HIBADH: variants seen among roughly 807,000 people sequenced by gnomAD.
HIBADH encodes the protein 3-hydroxyisobutyrate dehydrogenase.
A neutral mutation model predicts 36.1 loss-of-function variants in HIBADH; 25 were observed. That is an observed-to-expected ratio of 0.69 (90% CI 0.50 to 0.97). HIBADH has a LOEUF of 0.97. Ranked by LOEUF, HIBADH falls within the 50% of genes least tolerant of loss-of-function variation. The probability of loss-of-function intolerance (pLI) is 0.00; values close to 1 mark genes in which losing one functional copy is unlikely to be tolerated. For missense variants in HIBADH, 421 were observed against 418.0 expected (o/e 1.01, Z -0.06); for synonymous variants, 160 against 149.5 (o/e 1.07, Z -0.51).
At chr7:27,533,520 G>C (rs770370815) in intron 6 of HIBADH, among the ~76,000 whole-genome samples, 3 of 152,052 alleles carry the variant, frequency 2.0e-5, no homozygotes, top group Non-Finnish European at 4.4e-5. Context: ...GAGCAAGTTA[G>C]AAGTGTTTTG....
chr7:27,636,382 T>C (rs748695492), intron 2 of HIBADH, among the ~76,000 whole-genome samples: 5 of 152,206 alleles, frequency 3.3e-5, no homozygotes, highest in Admixed American at 6.5e-5. Flanking sequence ...ACTTTAAAAG[T>C]AGAAAAGCAC....
intron 5 of HIBADH, among the ~76,000 whole-genome samples, chr7:27,539,906 A>T (rs1784123342): frequency 6.6e-6 from 1 of 152,206 alleles, no homozygotes; most frequent in African/African-American, 2.4e-5. Context: ...TATATTTATT[A>T]TTCATTAAGT....
intron 4 of HIBADH, among the ~76,000 whole-genome samples, chr7:27,556,448 A>AT (rs35473122): frequency 0.76 from 115,402 of 152,012 alleles, 44,229 homozygotes; most frequent in East Asian, 0.94. Flanking sequence ...GGATCTGTTA[A>AT]TTTTTTAATG....
At chr7:27,644,100 T>C (rs886214545) in intron 2 of HIBADH, among the ~76,000 whole-genome samples, 5 of 152,310 alleles carry the variant, frequency 3.3e-5, no homozygotes, top group African/African-American at 4.8e-5. Context: ...CCATTTAAAG[T>C]ATACCAAAGG....
rs1245896544 is a variant in HIBADH, at chr7:27,538,387, C to A, written c.649G>T (p.Ala217Ser). ...TCAGCAGTTCCAATCATACTAATAG[C>A]TAACAGCATGTTGTTGCAGATCTTT... ...AAKICNNMLL[A>S]ISMIGTAEAM... The change falls in exon 6 of 8, where the codon GCT becomes TCT. Residue 217 changes from alanine to serine, a missense_variant. By Grantham distance (99) the Ala-to-Ser change is moderately conservative. Transcript: ENST00000265395. The A allele has an allele frequency of 1.2e-6, 2 of 1,613,164 alleles. No homozygotes were observed. Among genetic ancestry groups the A allele is most frequent in the East Asian group, 2.2e-5 (1 of 44,852 alleles).
intron 3 of HIBADH, among the ~76,000 whole-genome samples, chr7:27,632,059 A>G (rs193052974): frequency 6.6e-6 from 1 of 152,216 alleles, no homozygotes; most frequent in South Asian, 2.1e-4. Context: ...GTAAGCTTTA[A>G]AAGTCTCTTA....
intron 4 of HIBADH, among the ~76,000 whole-genome samples, chr7:27,555,302 C>CTTTT (rs3072856): frequency 4.2e-4 from 53 of 127,402 alleles, no homozygotes; most frequent in African/African-American, 1.2e-3. Context: ...TCTTGCTCTA[C>CTTTT]TTTTTTTTTT....
At chr7:27,549,911 C>CTT (rs1440863807) in intron 4 of HIBADH, among the ~76,000 whole-genome samples, 1 of 151,982 alleles carries the variant, frequency 6.6e-6, no homozygotes, top group Non-Finnish European at 1.5e-5. Flanking sequence ...CATTTCTTTT[C>CTT]TTTTCTTTTC....
intron 2 of HIBADH, among the ~76,000 whole-genome samples, chr7:27,641,084 C>T (rs1282216806): frequency 2.6e-5 from 4 of 152,054 alleles, no homozygotes; most frequent in African/African-American, 9.7e-5. Context: ...AAAGCAGACT[C>T]CAGAAGCAAA....
intron 4 of HIBADH, among the ~76,000 whole-genome samples, chr7:27,577,164 C>CTTTTTTTTTTTTTTTTTTTTTTT (rs35467427): frequency 6.9e-6 from 1 of 143,888 alleles, no homozygotes; most frequent in Non-Finnish European, 1.5e-5. Flanking sequence ...CATCATTTCT[C>CTTTTTTTTTTTTTTTTTTTTTTT]TCTTTTTTTT....
chr7:27,594,179 C>G (rs1213248285), intron 4 of HIBADH, among the ~76,000 whole-genome samples: 1 of 144,820 alleles, frequency 6.9e-6, no homozygotes, highest in Non-Finnish European at 1.5e-5. Context: ...GAGTTTCGCT[C>G]GTTGCCCCGG....
At chr7:27,550,878 C>T in intron 4 of HIBADH, among the ~76,000 whole-genome samples, 1 of 152,182 alleles carries the variant, frequency 6.6e-6, no homozygotes, top group Non-Finnish European at 1.5e-5. Context: ...CATTAAGACT[C>T]ATTAAGACTT....
chr7:27,587,627 A>G (rs1784884262), intron 4 of HIBADH, among the ~76,000 whole-genome samples: 1 of 152,042 alleles, frequency 6.6e-6, no homozygotes, highest in African/African-American at 2.4e-5. Context: ...TCCCAAACAC[A>G]TGCACTTCCT....
At chr7:27,632,101 G>C (rs929438055) in intron 3 of HIBADH, among the ~76,000 whole-genome samples, 9 of 152,026 alleles carry the variant, frequency 5.9e-5, no homozygotes, top group Admixed American at 3.9e-4. Context: ...TAAGTTTAAC[G>C]CAAGAGTTAA....
chr7:27,589,005 C>G (rs1784903705), intron 4 of HIBADH, among the ~76,000 whole-genome samples: 1 of 152,114 alleles, frequency 6.6e-6, no homozygotes, highest in South Asian at 2.1e-4. Context: ...CTATTTCACT[C>G]AAGTATGTGA....
chr7:27,569,017 G>A (rs537625971), intron 4 of HIBADH, among the ~76,000 whole-genome samples: 2 of 150,552 alleles, frequency 1.3e-5, no homozygotes, highest in East Asian at 2.0e-4. Context: ...CCAAGGCTCT[G>A]TCCATTTTCT....
At chr7:27,550,990 C>T (rs1223061194) in intron 4 of HIBADH, among the ~76,000 whole-genome samples, 2 of 150,074 alleles carry the variant, frequency 1.3e-5, no homozygotes, top group Non-Finnish European at 3.0e-5. Flanking sequence ...CACCACACCA[C>T]ACCAAACACA....
In HIBADH at chr7:27,644,075, T is replaced by A. The variant is rs151308503; in HGVS notation, c.252+5398A>T. Among the ~76,000 whole-genome samples the A allele has an allele frequency of 2.7e-3, 404 of 152,336 alleles. 2 individuals are homozygous for A. Among genetic ancestry groups the A allele is most frequent in the African/African-American group, 9.0e-3 (373 of 41,578 alleles). On this transcript the variant is annotated intron_variant, in intron 2 of 7. Coordinates refer to ENST00000265395, the MANE Select transcript of HIBADH (RefSeq NM_152740.4). ...TTTAATAGCTTCACTGACATATAAT[T>A]CGCATACAATTCACCCATTTAAAGT...
intron 2 of HIBADH, among the ~76,000 whole-genome samples, chr7:27,648,641 A>G (rs1786120357): frequency 6.6e-6 from 1 of 152,190 alleles, no homozygotes; most frequent in Non-Finnish European, 1.5e-5. Context: ...AATTTCCCTC[A>G]TATCTAGAAA....
Sources: allele counts gnomAD v4.1 joint callset (sites outside exome capture counted in the v4.1 genomes callset), GRCh38; gene constraint gnomAD v4.1.1; transcripts MANE v1.5; gene names NCBI Gene and HGNC (gene_info 2026-07-23, HGNC 2026-07-21).